PDHX: variants seen among roughly 807,000 people sequenced by gnomAD.
PDHX encodes pyruvate dehydrogenase protein X component, mitochondrial.
In PDHX, 33 loss-of-function variants were observed where a neutral mutation model predicts 55.3. The ratio of observed to expected loss-of-function variants is 0.60; its 90% CI spans 0.45 to 0.80. The LOEUF is 0.80. Among genes scored for constraint, PDHX ranks in the 30% least tolerant of loss-of-function variants. The pLI is 0.00. For synonymous variants in PDHX, 226 were observed against 219.4 expected (o/e 1.03, Z -0.27); for missense variants, 622 against 619.9 (o/e 1.00, Z -0.04).
chr11:34,959,751 C>G (rs1854982432), intron 4 of PDHX, among the ~76,000 whole-genome samples: 1 of 152,034 alleles, frequency 6.6e-6, no homozygotes, highest in Non-Finnish European at 1.5e-5. Flanking sequence ...CTGATAAATG[C>G]TGCATGGATA....
intron 2 of PDHX, among the ~76,000 whole-genome samples, chr11:34,932,351 G>A (rs371030937): frequency 3.3e-5 from 5 of 152,172 alleles, no homozygotes; most frequent in East Asian, 3.9e-4. Context: ...GAGTATTTGC[G>A]ATTTCTATCA....
intron 1 of PDHX, among the ~76,000 whole-genome samples, chr11:34,917,646 C>A (rs1853765729): frequency 6.6e-6 from 1 of 151,922 alleles, no homozygotes; most frequent in African/African-American, 2.4e-5. Flanking sequence ...TTAAATAGGT[C>A]TAGTAGACGT....
intron 2 of PDHX, among the ~76,000 whole-genome samples, chr11:34,933,693 C>G (rs1451056743): frequency 6.6e-6 from 1 of 152,024 alleles, no homozygotes. Context: ...ATGAAGGCTC[C>G]TTGGAGAGTA....
chr11:34,988,109 G>A (rs1298742893), intron 9 of PDHX, among the ~76,000 whole-genome samples: 1 of 151,798 alleles, frequency 6.6e-6, no homozygotes, highest in Non-Finnish European at 1.5e-5. Flanking sequence ...TTAATTCCAG[G>A]GTAAAATCTG....
chr11:34,916,135 C>T (rs898669437), upstream of PDHX: 136 of 1,507,542 alleles, frequency 9.0e-5, no homozygotes, highest in South Asian at 1.5e-4. Flanking sequence ...CAGCTAAACG[C>T]CCGGCCCGCT....
chr11:34,984,679 T>C lies in PDHX; in HGVS notation c.1133T>C (p.Ile378Thr). 1 of 1,614,094 alleles carries C rather than the reference T, an allele frequency of 6.2e-7. No homozygotes were observed. Among genetic ancestry groups the C allele is most frequent in the African/African-American group, 1.3e-5 (1 of 75,056 alleles). ...GATAAAGGCTTACTTACTCCAATCA[T>C]AAAAGATGCTGCTGCTAAAGGTATC... ...ATDKGLLTPI[I>T]KDAAAKGIQE... Residue 378 changes from isoleucine (I) to threonine (T), a missense_variant, in exon 9 of 11, where the codon ATA becomes ACA. Coordinates refer to ENST00000227868, the MANE Select transcript of PDHX (RefSeq NM_003477.3).
chr11:34,983,659 GAA>G (rs1855573473), intron 8 of PDHX, among the ~76,000 whole-genome samples: 1 of 151,648 alleles, frequency 6.6e-6, no homozygotes, highest in Non-Finnish European at 1.5e-5. Flanking sequence ...AATCATGAGT[GAA>G]CTCCCATTCA....
intron 6 of PDHX, 57 bp downstream of exon 6, chr11:34,966,871 AG>A: frequency 1.4e-6 from 2 of 1,426,680 alleles, no homozygotes; most frequent in South Asian, 2.3e-5. Flanking sequence ...TTTTTTTTTG[AG>A]ACAGAGTCTT....
chr11:34,957,431 G>C lies in PDHX; in HGVS notation c.390G>C (p.Leu130Phe). The C allele has an allele frequency of 6.2e-7, 1 of 1,613,396 alleles. No homozygotes were observed. Among genetic ancestry groups the C allele is most frequent in the Non-Finnish European group, 8.5e-7 (1 of 1,179,400 alleles). The change falls in exon 4 of 11, where the codon TTG becomes TTC. Residue 130 changes from leucine (L) to phenylalanine (F), a missense_variant. Leu to Phe is a conservative substitution (Grantham distance 22). Coordinates refer to ENST00000227868, the MANE Select transcript of PDHX (RefSeq NM_003477.3). ...TACGGCTAGGTTCACTAATTGGTTTGATAGTAGAAGAAGGAGAAGATTGGA... is the reference window on the plus strand; with the variant it reads ...TACGGCTAGGTTCACTAATTGGTTTCATAGTAGAAGAAGGAGAAGATTGGA... ...KNIRLGSLIG[L>F]IVEEGEDWKH...
chr11:34,932,108 TTTA>T (rs1854191372), intron 2 of PDHX, among the ~76,000 whole-genome samples: 1 of 152,132 alleles, frequency 6.6e-6, no homozygotes, highest in Non-Finnish European at 1.5e-5. Context: ...CAATATTAGA[TTTA>T]TTCTTTATGT....
At chr11:34,994,179 TG>T (rs1855813219) in intron 10 of PDHX, among the ~76,000 whole-genome samples, 1 of 152,134 alleles carries the variant, frequency 6.6e-6, no homozygotes, top group African/African-American at 2.4e-5. Flanking sequence ...CAAACCTAAA[TG>T]GTACATGCTG....
At position 34,957,497 on chromosome 11, in the gene PDHX, A is replaced by G; in HGVS notation, c.456A>G (p.Pro152=). Residue 152 remains proline, a synonymous_variant, in exon 4 of 11, where the codon CCA becomes CCG. Coordinates refer to ENST00000227868, the MANE Select transcript of PDHX (RefSeq NM_003477.3). ...EIPKDVGPPP[P]VSKPSEPRPS... Reference sequence around the variant, plus strand: ...CCAAAGACGTAGGTCCTCCACCACCAGTTTCAAAACCTTCAGAGCCTCGCC... The same window carrying G: ...CCAAAGACGTAGGTCCTCCACCACCGGTTTCAAAACCTTCAGAGCCTCGCC... The G allele has an allele frequency of 6.2e-7, 1 of 1,614,114 alleles. No individual in the cohort carries two copies. Among genetic ancestry groups the G allele is most frequent in the Non-Finnish European group, 8.5e-7 (1 of 1,179,962 alleles).
chr11:34,969,369 A>C (rs2099664531), intron 6 of PDHX, among the ~76,000 whole-genome samples: 1 of 149,162 alleles, frequency 6.7e-6, no homozygotes, highest in Non-Finnish European at 1.5e-5. Context: ...TTCCCGAAAC[A>C]ATCTTGCTCT....
At chr11:34,982,478 C>T (rs963127319) in intron 8 of PDHX, among the ~76,000 whole-genome samples, 12 of 152,024 alleles carry the variant, frequency 7.9e-5, no homozygotes, top group African/African-American at 1.7e-4. Flanking sequence ...TCCATGAATC[C>T]GGGAGCTGGT....
intron 9 of PDHX, among the ~76,000 whole-genome samples, chr11:34,990,615 A>T (rs1432512501): frequency 6.6e-6 from 1 of 152,190 alleles, no homozygotes; most frequent in Non-Finnish European, 1.5e-5. Context: ...TTTTCAAATC[A>T]TGTGAACAAT....
intron 1 of PDHX, among the ~76,000 whole-genome samples, chr11:34,930,579 CG>C (rs1331628188): frequency 1.3e-5 from 2 of 152,130 alleles, no homozygotes; most frequent in Admixed American, 1.3e-4. Flanking sequence ...AGGGGATGGA[CG>C]TATTTGTTAC....
At chr11:34,950,673 G>T (rs1275524893) in intron 3 of PDHX, among the ~76,000 whole-genome samples, 2 of 151,300 alleles carry the variant, frequency 1.3e-5, no homozygotes, top group African/African-American at 2.4e-5. Flanking sequence ...ATGATTTCCA[G>T]TTTCATCCAT....
Position 34,957,459 on chromosome 11 carries a change from CAT to C in PDHX, c.419_420del (p.His140ArgfsTer2), listed in dbSNP as rs756985515. ...LIVEEGEDWK[H>X]VEIPKDVGPP... ...AGTAGAAGAAGGAGAAGATTGGAAA[CAT>C]GTTGAAATTCCCAAAGACGTAGGTC... is the stretch of plus-strand genomic sequence containing the variant. On this transcript the variant is annotated frameshift_variant, in exon 4 of 11. Transcript: ENST00000227868. LOFTEE classifies it high-confidence loss of function. The C allele has an allele frequency of 1.2e-6, 2 of 1,613,368 alleles. No homozygotes were observed. Among genetic ancestry groups the C allele is most frequent in the African/African-American group, 2.7e-5 (2 of 74,874 alleles).
chr11:34,978,430 G>A (rs542698892), intron 8 of PDHX, among the ~76,000 whole-genome samples: 1 of 152,218 alleles, frequency 6.6e-6, no homozygotes, highest in South Asian at 2.1e-4. Flanking sequence ...GTAAACAAAA[G>A]CTTACTTGAT....
Sources: allele counts gnomAD v4.1 joint callset (sites outside exome capture counted in the v4.1 genomes callset), GRCh38; gene constraint gnomAD v4.1.1; transcripts MANE v1.5; gene names NCBI Gene and HGNC (gene_info 2026-07-23, HGNC 2026-07-21).